Variants in FGF10 observed in about 807,000 individuals in gnomAD.
FGF10 encodes the protein fibroblast growth factor 10, also known as FGF-10.
Under a neutral mutation model 19.8 loss-of-function variants are expected in FGF10, and 2 were observed. The observed-to-expected ratio is 0.10, with a 90% CI of 0.04 to 0.32. The LOEUF (loss-of-function observed/expected upper bound fraction) is 0.32, where lower values mean the gene tolerates loss of function less well. Ranked by LOEUF, FGF10 falls within the 10% of genes least tolerant of loss-of-function variation. FGF10 has a pLI of 1.00. For synonymous variants in FGF10, 112 were observed against 94.0 expected, an observed-to-expected ratio of 1.19 and a Z score of -1.10; for missense variants, 191 against 246.3, an observed-to-expected ratio of 0.78 and a Z score of 1.50.
At chr5:44,343,303 G>A (rs749971464) in intron 1 of FGF10, among the ~76,000 whole-genome samples, 3 of 151,916 alleles carry the variant, frequency 2.0e-5, no homozygotes, top group Non-Finnish European at 4.4e-5. Flanking sequence ...GATCCCTTAA[G>A]TCTAAAGATC....
chr5:44,318,393 A>G (rs1740404596), intron 1 of FGF10, among the ~76,000 whole-genome samples: 1 of 152,148 alleles, frequency 6.6e-6, no homozygotes, highest in Non-Finnish European at 1.5e-5. Flanking sequence ...CATTTCCTTT[A>G]GTAGATAACT....
intron 1 of FGF10, among the ~76,000 whole-genome samples, chr5:44,351,322 C>T: frequency 6.6e-6 from 1 of 151,446 alleles, no homozygotes; most frequent in Non-Finnish European, 1.5e-5. Flanking sequence ...TAGATAGACA[C>T]ATAATTGGCA....
At chr5:44,331,324 T>G (rs558351312) in intron 1 of FGF10, among the ~76,000 whole-genome samples, 6 of 152,266 alleles carry the variant, frequency 3.9e-5, no homozygotes, top group Admixed American at 3.9e-4. Context: ...TTCAGTCTCT[T>G]TCTTAGAAAC....
chr5:44,339,872 C>T (rs186203040), intron 1 of FGF10, among the ~76,000 whole-genome samples: 2 of 152,214 alleles, frequency 1.3e-5, no homozygotes, highest in Admixed American at 1.3e-4. Context: ...TTGCATCATT[C>T]TTATACATTG....
intron 1 of FGF10, among the ~76,000 whole-genome samples, chr5:44,359,581 G>A (rs1265127430): frequency 1.3e-5 from 2 of 151,440 alleles, no homozygotes; most frequent in South Asian, 2.1e-4. Flanking sequence ...TATTAGTGGG[G>A]TAACTTCAGT....
chr5:44,331,859 A>T (rs1022817304), intron 1 of FGF10, among the ~76,000 whole-genome samples: 4 of 152,126 alleles, frequency 2.6e-5, no homozygotes, highest in Non-Finnish European at 4.4e-5. Context: ...AGTGCCATGA[A>T]TATTGTGGTT....
Position 44,300,348 on chromosome 5 carries a change from T to C in FGF10, c.*4647A>G, listed in dbSNP as rs1443054587. 6.6e-6 allele frequency among the ~76,000 whole-genome samples: 1 copy of C among 152,056 alleles called. No homozygotes were observed. The highest frequency in any genetic ancestry group is 1.5e-5 in the Non-Finnish European group (1 of 68,024). ...TACACTTGAAAATACTAGCACATAC[T>C]CTTGGGATAAACTGAAAGAAACATT... is the stretch of plus-strand genomic sequence containing the variant. On this transcript the variant is annotated 3_prime_UTR_variant, in exon 3 of 3. Coordinates refer to ENST00000264664, the MANE Select transcript of FGF10 (RefSeq NM_004465.2).
At chr5:44,360,455 C>A (rs891700411) in intron 1 of FGF10, among the ~76,000 whole-genome samples, 2 of 151,480 alleles carry the variant, frequency 1.3e-5, no homozygotes, top group African/African-American at 4.8e-5. Flanking sequence ...GATCCTTGAT[C>A]CCTGAACAGA....
chr5:44,360,546 A>G (rs929128919), intron 1 of FGF10, among the ~76,000 whole-genome samples: 40 of 151,598 alleles, frequency 2.6e-4, no homozygotes, highest in Admixed American at 5.3e-4. Context: ...GCTTCCTTCA[A>G]AGAATACCTC....
intron 1 of FGF10, among the ~76,000 whole-genome samples, chr5:44,321,645 A>G (rs953589004): frequency 2.0e-5 from 3 of 152,188 alleles, no homozygotes; most frequent in Non-Finnish European, 4.4e-5. Context: ...AAAAAATGTC[A>G]CTTGAACTTA....
chr5:44,362,984 C>T (rs764499730), intron 1 of FGF10, among the ~76,000 whole-genome samples: 15 of 151,648 alleles, frequency 9.9e-5, no homozygotes, highest in East Asian at 2.0e-4. Flanking sequence ...AAATATTTCA[C>T]GGGGCCTGGC....
Position 44,305,191 on chromosome 5 carries a change from T to G in FGF10, c.431A>C (p.Lys144Thr). The stretch of plus-strand genomic sequence containing the variant: ...CAGCTTACAGTCATTGTTAAATTCT[T>G]TCTGCAAAGGAAAAACAGAATCTTT... ...MNKKGKLYGSKEFNNDCKLKE... is the reference protein window; with the variant it reads ...MNKKGKLYGSTEFNNDCKLKE... The change falls in exon 3 of 3, where the codon AAA (lysine) becomes ACA (threonine). Residue 144 changes from lysine to threonine, a missense_variant and splice_region_variant. Physicochemically the swap from Lys to Thr is moderately conservative, Grantham distance 78 (BLOSUM62 -1). Around this residue, in one of 2 missense-constraint regions of FGF10, gnomAD observed 99 missense variants for 161.7 expected, o/e 0.61. Coordinates refer to ENST00000264664, the MANE Select transcript of FGF10 (RefSeq NM_004465.2). 6.2e-7 allele frequency: 1 copy of G among 1,613,302 alleles called. No individual in the cohort carries two copies. The highest frequency in any genetic ancestry group is 8.5e-7 in the Non-Finnish European group (1 of 1,179,352).
At chr5:44,373,191 C>A (rs1741780792) in intron 1 of FGF10, among the ~76,000 whole-genome samples, 1 of 152,120 alleles carries the variant, frequency 6.6e-6, no homozygotes, top group Non-Finnish European at 1.5e-5. Flanking sequence ...CAAATCTTTC[C>A]TAGGTAACCT....
rs1740557453 is a variant in FGF10, at chr5:44,324,071, T to C, written c.326-13541A>G. ...CTCCTCTTGGTGTCTTAGTAAATGA[T>C]TCTAAATGGAATATGTTGAAATTTC... On this transcript the variant is annotated intron_variant, in intron 1 of 2. Transcript: ENST00000264664. Among the ~76,000 whole-genome samples the C allele has an allele frequency of 3.9e-5, 6 of 152,236 alleles. 1 individual carries two copies. In the South Asian group the frequency reaches 1.2e-3, roughly 32 times the overall value.
At chr5:44,330,393 C>T (rs1042365716) in intron 1 of FGF10, among the ~76,000 whole-genome samples, 2 of 152,138 alleles carry the variant, frequency 1.3e-5, no homozygotes, top group African/African-American at 4.8e-5. Flanking sequence ...GCAGTTCCAC[C>T]TTTCACCCTA....
chr5:44,342,115 C>T (rs1380145430), intron 1 of FGF10, among the ~76,000 whole-genome samples: 2 of 152,082 alleles, frequency 1.3e-5, no homozygotes, highest in African/African-American at 2.4e-5. Flanking sequence ...TTTTTATTCT[C>T]AGTCCATGCT....
intron 1 of FGF10, among the ~76,000 whole-genome samples, chr5:44,324,904 C>T (rs1740575202): frequency 6.6e-6 from 1 of 152,096 alleles, no homozygotes; most frequent in African/African-American, 2.4e-5. Context: ...GCAAATGTTT[C>T]CTCTTTTTTT....
At chr5:44,335,490 T>C (rs1401356277) in intron 1 of FGF10, among the ~76,000 whole-genome samples, 3 of 152,164 alleles carry the variant, frequency 2.0e-5, no homozygotes, top group Non-Finnish European at 4.4e-5. Flanking sequence ...GTAACAATCA[T>C]TCAGATTTTA....
chr5:44,320,306 T>A (rs1740453646), intron 1 of FGF10, among the ~76,000 whole-genome samples: 1 of 152,210 alleles, frequency 6.6e-6, no homozygotes, highest in Non-Finnish European at 1.5e-5. Context: ...AGTCCATGTA[T>A]GGCCCATCCA....
Sources: gnomAD v4.1 joint callset for allele counts (sites outside exome capture counted in the v4.1 genomes callset) on GRCh38, gnomAD v4.1.1 for gene constraint, gnomAD v4.1.1 regional missense constraint, MANE v1.5 for transcripts, NCBI Gene and HGNC (gene_info 2026-07-23, HGNC 2026-07-21) for gene names.